Variants in TGM2 observed in about 807,000 individuals in gnomAD.
TGM2 encodes the protein transglutaminase 2, also known as protein-glutamine gamma-glutamyltransferase 2.
Under a neutral mutation model 75.6 loss-of-function variants are expected in TGM2, and 53 were observed. The observed-to-expected ratio is 0.70, with a 90% CI of 0.56 to 0.88. The LOEUF is 0.88. TGM2 is among the 40% of genes least tolerant of loss of function. The pLI is 0.00. For missense variants in TGM2, 842 were observed against 928.5 expected, an observed-to-expected ratio of 0.91 and a Z score of 1.21; for synonymous variants, 374 against 381.1, an observed-to-expected ratio of 0.98 and a Z score of 0.22.
intron 1 of TGM2, among the ~76,000 whole-genome samples, chr20:38,164,656 G>T (rs2075291438): frequency 6.6e-6 from 1 of 152,152 alleles, no homozygotes; most frequent in South Asian, 2.1e-4. Context: ...ATTGGCCAAG[G>T]TCTAGGGTTG....
chr20:38,147,197 A>T (rs2122910011), intron 5 of TGM2, among the ~76,000 whole-genome samples: 1 of 152,080 alleles, frequency 6.6e-6, no homozygotes, highest in South Asian at 2.1e-4. Context: ...ACATGGTGTG[A>T]TCTAAGTTTT....
chr20:38,133,564 A>G (rs889568047), intron 10 of TGM2: 2 of 152,370 alleles, frequency 1.3e-5, no homozygotes, highest in African/African-American at 4.8e-5. Flanking sequence ...TTAAGGATTC[A>G]TGTAGTTTAG....
Position 38,131,145 on chromosome 20 carries a change from T to G in TGM2, c.1861A>C (p.Thr621Pro). The change falls in exon 12 of 13, where the codon ACC (threonine) becomes CCC (proline). Residue 621 changes from threonine (T) to proline (P), a missense_variant. Physicochemically the swap from Thr to Pro is conservative, Grantham distance 38. Transcript: ENST00000361475. ...NPLPVALEGC[T>P]FTVEGAGLTE... ...AGGCCGGCCCCCTCCACAGTGAAGG[T>G]GCAGCCTTCCAGGGCCACAGGGAGC... is the stretch of plus-strand genomic sequence containing the variant. The G allele has an allele frequency of 6.2e-7, 1 of 1,613,642 alleles. No individual in the cohort carries two copies. The highest frequency in any genetic ancestry group is 8.5e-7 in the Non-Finnish European group (1 of 1,179,994).
chr20:38,152,813 G>A (rs2075129276), intron 3 of TGM2, among the ~76,000 whole-genome samples: 1 of 152,218 alleles, frequency 6.6e-6, no homozygotes, highest in African/African-American at 2.4e-5. Context: ...GGTCACTTTA[G>A]TCACTGTGCC....
At chr20:38,134,790 C>T (rs2074878116) in intron 10 of TGM2, among the ~76,000 whole-genome samples, 1 of 152,180 alleles carries the variant, frequency 6.6e-6, no homozygotes, top group Non-Finnish European at 1.5e-5. Context: ...TTCCTTTCAG[C>T]CATCCAGGGC....
chr20:38,131,190 C>A lies in TGM2; in HGVS notation c.1816G>T (p.Glu606Ter). The A allele has an allele frequency of 1.2e-6, 2 of 1,613,970 alleles. No individual in the cohort carries two copies. The highest frequency in any genetic ancestry group is 1.7e-6 in the Non-Finnish European group (2 of 1,180,024). Residue 606 changes from glutamate to a stop codon, truncating the protein, a stop_gained, in exon 12 of 13, where the codon GAG becomes TAG. Coordinates refer to ENST00000361475, the MANE Select transcript of TGM2 (RefSeq NM_004613.4). LOFTEE classifies it high-confidence loss of function. ...EPKQKRKLVA[E>*]VSLQNPLPVA... Reference sequence around the variant, plus strand: ...GGGAGCGGGTTCTGCAGGGACACCTCAGCCACCAGCTTGCGTTTCTGCTTG... The same window carrying A: ...GGGAGCGGGTTCTGCAGGGACACCTAAGCCACCAGCTTGCGTTTCTGCTTG...
intron 6 of TGM2, 117 bp downstream of exon 6, chr20:38,146,600 C>A (rs759033388): frequency 8.2e-7 from 1 of 1,221,000 alleles, no homozygotes; most frequent in South Asian, 1.3e-5. Flanking sequence ...CCACATAGCG[C>A]ATTGAGAGTG....
At position 38,129,930 on chromosome 20, in the gene TGM2, G is replaced by A; in HGVS notation, c.*289C>T. The A allele has an allele frequency of 4.1e-6, 2 of 490,620 alleles. No homozygotes were observed. The highest frequency in any genetic ancestry group is 7.4e-6 in the Non-Finnish European group (2 of 269,862). The allele number at this position is 490,620 out of a possible 1,614,324, so 30.4% of individuals were successfully genotyped here. A position where few individuals can be genotyped will look rare whatever the true frequency, so the allele number is the denominator to read the frequency against. On this transcript the variant is annotated 3_prime_UTR_variant, in exon 13 of 13. Transcript: ENST00000361475. The stretch of plus-strand genomic sequence containing the variant: ...GGCTTTCCAAAGGGCATCTGGGCAG[G>A]AGAGGGAATGTAGGTCTTTCCTCTC...
chr20:38,139,694 A>G, intron 8 of TGM2, 40 bp from the exon 9 acceptor site: 1 of 1,612,700 alleles, frequency 6.2e-7, no homozygotes, highest in East Asian at 2.2e-5. Context: ...GCCTGGGTGA[A>G]GGTTGGGTGG....
chr20:38,158,743 C>T (rs1260370109), intron 2 of TGM2, among the ~76,000 whole-genome samples: 7 of 152,228 alleles, frequency 4.6e-5, no homozygotes, highest in Non-Finnish European at 7.3e-5. Context: ...ATGCTCCATT[C>T]GCTGAGTGAC....
At chr20:38,134,644 G>A (rs2074875992) in intron 10 of TGM2, among the ~76,000 whole-genome samples, 1 of 152,226 alleles carries the variant, frequency 6.6e-6, no homozygotes. Flanking sequence ...TCTGGGGACA[G>A]TCACCGAGGC....
At chr20:38,146,617 G>T in intron 6 of TGM2, 100 bp downstream of exon 6, 1 of 1,415,428 alleles carries the variant, frequency 7.1e-7, no homozygotes, top group South Asian at 1.2e-5. Flanking sequence ...AGTGTTGGTG[G>T]CAGGGGGCAG....
At chr20:38,150,870 C>A in intron 4 of TGM2, 69 bp downstream of exon 4, 2 of 1,208,124 alleles carry the variant, frequency 1.7e-6, no homozygotes, top group Middle Eastern at 1.9e-4. Context: ...GCTTTGGCTG[C>A]CCCCAGACAC....
At chr20:38,146,689 A>G in intron 6 of TGM2, 28 bp downstream of exon 6, 1 of 1,612,756 alleles carries the variant, frequency 6.2e-7, no homozygotes, top group African/African-American at 1.3e-5. Context: ...CCCAGGGCTC[A>G]TGACCCACAT....
At chr20:38,132,608 C>G in intron 10 of TGM2, 108 bp from the exon 11 acceptor site, 3 of 1,464,892 alleles carry the variant, frequency 2.0e-6, no homozygotes, top group Non-Finnish European at 2.8e-6. Flanking sequence ...TGGGGTCACA[C>G]AGCGGGGGAA....
chr20:38,131,355 C>G (rs2074829811), intron 11 of TGM2, 126 bp from the exon 12 acceptor site: 1 of 1,262,480 alleles, frequency 7.9e-7, no homozygotes, highest in East Asian at 2.6e-5. Flanking sequence ...GATCACCCCC[C>G]CTCCCCCCAC....
chr20:38,146,690 T>G lies in TGM2; in HGVS notation c.859+27A>C. On this transcript the variant is annotated intron_variant, in intron 6 of 12. Transcript: ENST00000361475. Reference sequence around the variant, plus strand: ...TCTTCGTGCCCCCTCCCAGGGCTCATGACCCACATCCCAGCGTGCAGCTCA... The same window carrying G: ...TCTTCGTGCCCCCTCCCAGGGCTCAGGACCCACATCCCAGCGTGCAGCTCA... 5 of 1,612,762 alleles carry G rather than the reference T, an allele frequency of 3.1e-6. No individual in the cohort carries two copies. The Admixed American group carries it at 6.7e-5, about 22-fold the overall frequency.
rs2074924437 is a variant in TGM2 at position 38,138,225 on chromosome 20, C to T, written c.1503G>A (p.Glu501=). 4.3e-6 allele frequency: 7 copies of T among 1,612,412 alleles called. No individual in the cohort carries two copies. The highest frequency in any genetic ancestry group is 5.9e-6 in the Non-Finnish European group (7 of 1,179,328). The part of the protein sequence containing the change: ...VFAHITNNTA[E]EYVCRLLLCA... ...AGAGCAGGAGGCGGCAGACGTACTC[C>T]TCAGCGGTGTTGTTGGTGATGTGGG... The change falls in exon 10 of 13, where the codon GAG becomes GAA. Residue 501 remains glutamate (E), a synonymous_variant. Transcript: ENST00000361475.
chr20:38,134,659 T>C (rs944120185), intron 10 of TGM2, among the ~76,000 whole-genome samples: 1 of 152,118 alleles, frequency 6.6e-6, no homozygotes, highest in African/African-American at 2.4e-5. Context: ...CGAGGCCACA[T>C]TGGCTGCATT....
Sources: gnomAD v4.1 joint callset for allele counts (sites outside exome capture counted in the v4.1 genomes callset) on GRCh38, gnomAD v4.1.1 for gene constraint, MANE v1.5 for transcripts, NCBI Gene and HGNC (gene_info 2026-07-23, HGNC 2026-07-21) for gene names.